The following NPAS3 variants were observed in gnomAD, a reference collection of about 807,000 sequenced individuals.
The protein encoded by NPAS3 is neuronal PAS domain-containing protein 3.
A neutral mutation model predicts 73.1 loss-of-function variants in NPAS3; 14 were observed. The observed-to-expected ratio is 0.19, with a 90% CI of 0.13 to 0.30. The LOEUF (loss-of-function observed/expected upper bound fraction) is 0.30. Ranked by LOEUF, NPAS3 falls within the 10% of genes least tolerant of loss-of-function variation. The probability of loss-of-function intolerance (pLI) is 1.00; values close to 1 mark genes in which losing one functional copy is unlikely to be tolerated. For missense variants in NPAS3, 1,096 were observed against 1,250.0 expected, an observed-to-expected ratio of 0.88 and a Z score of 1.86; for synonymous variants, 620 against 541.5, an observed-to-expected ratio of 1.14 and a Z score of -2.01.
intron 4 of NPAS3, among the ~76,000 whole-genome samples, chr14:33,552,182 G>C (rs1173681168): frequency 6.6e-6 from 1 of 152,176 alleles, no homozygotes; most frequent in Non-Finnish European, 1.5e-5. Context: ...GAAAGAGCAT[G>C]AGACTCACTC....
At chr14:33,682,516 C>G (rs907261677) in intron 6 of NPAS3, among the ~76,000 whole-genome samples, 2 of 152,226 alleles carry the variant, frequency 1.3e-5, no homozygotes, top group African/African-American at 4.8e-5. Context: ...CAAGCCAGTG[C>G]TCTTACAAGG....
At chr14:32,937,709 A>G (rs2035742327), upstream of NPAS3, among the ~76,000 whole-genome samples, 1 of 152,058 alleles carries the variant, frequency 6.6e-6, no homozygotes, top group African/African-American at 2.4e-5. Flanking sequence ...TCAGGTCTTT[A>G]TTTTTTTCTT....
At chr14:33,560,415 G>A in intron 5 of NPAS3, 1 of 435,828 alleles carries the variant, frequency 2.3e-6, no homozygotes. Context: ...AAAAACTTTA[G>A]TTCCGCTCCC....
intron 3 of NPAS3, among the ~76,000 whole-genome samples, chr14:33,354,722 A>G (rs1258313523): frequency 6.6e-6 from 1 of 152,184 alleles, no homozygotes; most frequent in Non-Finnish European, 1.5e-5. Context: ...GGAAGAAACC[A>G]TTATACTGTG....
chr14:33,203,413 A>G (rs34536853), intron 2 of NPAS3, among the ~76,000 whole-genome samples: 2 of 151,878 alleles, frequency 1.3e-5, no homozygotes, highest in African/African-American at 4.8e-5. Context: ...TACATGTGCC[A>G]TGTATACATT....
chr14:33,176,698 T>C (rs1595613626), intron 2 of NPAS3, among the ~76,000 whole-genome samples: 1 of 152,200 alleles, frequency 6.6e-6, no homozygotes, highest in Admixed American at 6.5e-5. Flanking sequence ...AAATATCTCC[T>C]TGAGTCTCTG....
intron 2 of NPAS3, among the ~76,000 whole-genome samples, chr14:33,194,998 ATTT>A (rs891480840): frequency 1.3e-5 from 2 of 152,170 alleles, no homozygotes; most frequent in Non-Finnish European, 1.5e-5. Context: ...GGAGTGTTGC[ATTT>A]GTATCTACCC....
chr14:33,053,067 G>T (rs1315777201), intron 1 of NPAS3, among the ~76,000 whole-genome samples: 4 of 152,168 alleles, frequency 2.6e-5, no homozygotes, highest in Non-Finnish European at 5.9e-5. Context: ...TTTGACAGGT[G>T]TAATTGTTAA....
intron 1 of NPAS3, among the ~76,000 whole-genome samples, chr14:32,995,010 TTTCACTAA>T (rs534959101): frequency 1.3e-5 from 2 of 152,208 alleles, no homozygotes; most frequent in Non-Finnish European, 2.9e-5. Flanking sequence ...GCAATTGTTA[TTTCACTAA>T]AGAAACAAGT....
At chr14:33,182,373 G>A (rs934252340) in intron 2 of NPAS3, among the ~76,000 whole-genome samples, 3 of 151,936 alleles carry the variant, frequency 2.0e-5, no homozygotes, top group Admixed American at 2.0e-4. Flanking sequence ...GTTTTCTATT[G>A]TATTTCTTCA....
chr14:33,598,825 TAAAG>T (rs1180366869), intron 5 of NPAS3, among the ~76,000 whole-genome samples: 3 of 152,198 alleles, frequency 2.0e-5, no homozygotes, highest in African/African-American at 7.2e-5. Flanking sequence ...GTGTGACTGT[TAAAG>T]AAAACACAAG....
intron 4 of NPAS3, among the ~76,000 whole-genome samples, chr14:33,503,055 A>G (rs1248083383): frequency 6.6e-6 from 1 of 152,008 alleles, no homozygotes; most frequent in Non-Finnish European, 1.5e-5. Context: ...AATGGCATGT[A>G]TTAAGTTCTC....
Position 33,096,790 on chromosome 14 carries a change from C to G in NPAS3, c.140+40796C>G, listed in dbSNP as rs145066606. On this transcript the variant is annotated intron_variant, in intron 2 of 11. Coordinates refer to ENST00000356141, the Ensembl canonical transcript of NPAS3. ...TGTTCCAGTAACCTTCTATGACGGT[C>G]ATTCATGACTATGGAAATCTCCTCA... Among the ~76,000 whole-genome samples, 262 of 152,270 alleles carry G rather than the reference C, an allele frequency of 1.7e-3. 3 individuals carry two copies. The highest frequency in any genetic ancestry group is 3.4e-3 in the Middle Eastern group (1 of 294).
chr14:32,955,040 A>G (rs559488508), intron 1 of NPAS3, among the ~76,000 whole-genome samples: 5 of 152,162 alleles, frequency 3.3e-5, no homozygotes, highest in African/African-American at 1.2e-4. Context: ...ATATATTCCT[A>G]CCTTTTGCAT....
At chr14:33,139,720 A>G (rs1217733747) in intron 2 of NPAS3, among the ~76,000 whole-genome samples, 1 of 152,220 alleles carries the variant, frequency 6.6e-6, no homozygotes, top group Non-Finnish European at 1.5e-5. Flanking sequence ...GTAACATGAA[A>G]TAAAAATATG....
At chr14:33,302,913 T>C (rs112293169) in intron 3 of NPAS3, among the ~76,000 whole-genome samples, 20 of 144,114 alleles carry the variant, frequency 1.4e-4, no homozygotes, top group African/African-American at 3.8e-4. Context: ...CTCTCTCTCT[T>C]TTTTTTTTTT....
At chr14:33,534,029 T>G (rs1036097811) in intron 4 of NPAS3, among the ~76,000 whole-genome samples, 1 of 152,164 alleles carries the variant, frequency 6.6e-6, no homozygotes, top group Admixed American at 6.6e-5. Context: ...TTTGTCATTT[T>G]ATTCAGTTAG....
At chr14:33,225,249 G>A (rs1456327617) in intron 3 of NPAS3, among the ~76,000 whole-genome samples, 6 of 152,218 alleles carry the variant, frequency 3.9e-5, no homozygotes, top group Admixed American at 1.3e-4. Flanking sequence ...GCCATAGAGA[G>A]TCATACATAA....
intron 4 of NPAS3, among the ~76,000 whole-genome samples, chr14:33,431,510 A>G (rs912612219): frequency 3.9e-5 from 6 of 152,332 alleles, no homozygotes; most frequent in Admixed American, 3.9e-4. Context: ...ATGTATCCTG[A>G]TTCTAGAGTG....
Sources: gnomAD v4.1 joint callset for allele counts (sites outside exome capture counted in the v4.1 genomes callset) on GRCh38, gnomAD v4.1.1 for gene constraint, MANE v1.5 for transcripts, NCBI Gene and HGNC (gene_info 2026-07-23, HGNC 2026-07-21) for gene names.